SLC15A2: variants seen among roughly 807,000 people sequenced by gnomAD.
The protein encoded by SLC15A2 is kidney H(+)/peptide cotransporter.
Under a neutral mutation model 95.5 loss-of-function variants are expected in SLC15A2, and 77 were observed. The ratio of observed to expected loss-of-function variants is 0.81; its 90% CI spans 0.67 to 0.97. The LOEUF (loss-of-function observed/expected upper bound fraction) is 0.97, where lower values mean the gene tolerates loss of function less well. Among genes scored for constraint, SLC15A2 ranks in the 50% least tolerant of loss-of-function variants. The probability of loss-of-function intolerance (pLI) is 0.00; values close to 1 mark genes in which losing one functional copy is unlikely to be tolerated. For missense variants in SLC15A2, 893 were observed against 874.4 expected, an observed-to-expected ratio of 1.02 and a Z score of -0.27; for synonymous variants, 306 against 306.9, an observed-to-expected ratio of 1.00 and a Z score of 0.03.
intron 19 of SLC15A2, among the ~76,000 whole-genome samples, chr3:121,932,379 A>G (rs571166657): frequency 2.0e-5 from 3 of 152,320 alleles, no homozygotes; most frequent in African/African-American, 7.2e-5. Flanking sequence ...TTATTTATGA[A>G]AAAGTACTAA....
At chr3:121,934,271 G>T (rs1262121948) in intron 19 of SLC15A2, among the ~76,000 whole-genome samples, 9 of 152,150 alleles carry the variant, frequency 5.9e-5, no homozygotes, top group Non-Finnish European at 8.8e-5. Context: ...CATATGAACT[G>T]TAAAGTAGTT....
At chr3:121,916,122 T>A (rs1459688526) in intron 7 of SLC15A2, among the ~76,000 whole-genome samples, 1 of 152,210 alleles carries the variant, frequency 6.6e-6, no homozygotes, top group Admixed American at 6.5e-5. Flanking sequence ...GATTTTAAAT[T>A]CTCCAAGCCT....
intron 19 of SLC15A2, chr3:121,939,122 T>C (rs1454213174): frequency 2.7e-5 from 10 of 365,018 alleles, no homozygotes; most frequent in African/African-American, 6.3e-5. Context: ...TATTCTCTTA[T>C]TTAAAGTCTC....
chr3:121,930,429 CAT>C (rs1162755302), intron 17 of SLC15A2, among the ~76,000 whole-genome samples: 1 of 152,168 alleles, frequency 6.6e-6, no homozygotes, highest in Non-Finnish European at 1.5e-5. Context: ...TAAATACTAT[CAT>C]ATCTTTATAT....
intron 5 of SLC15A2, among the ~76,000 whole-genome samples, chr3:121,913,386 TG>T (rs1486603521): frequency 1.3e-5 from 2 of 152,138 alleles, no homozygotes; most frequent in African/African-American, 4.8e-5. Context: ...GGACAAGAAT[TG>T]AGGAGAATAC....
At chr3:121,905,347 C>T (rs188931128) in intron 3 of SLC15A2, among the ~76,000 whole-genome samples, 19 of 152,238 alleles carry the variant, frequency 1.2e-4, no homozygotes, top group Non-Finnish European at 2.5e-4. Flanking sequence ...TCTCTATCTC[C>T]TTCAGTTCTG....
At chr3:121,915,020 A>C (rs1162542639) in intron 5 of SLC15A2, 1 of 1,345,180 alleles carries the variant, frequency 7.4e-7, no homozygotes, top group Admixed American at 2.6e-5. Context: ...AGAATGCTAA[A>C]GCTGCTCTGG....
intron 13 of SLC15A2, among the ~76,000 whole-genome samples, chr3:121,926,722 C>T (rs1407843720): frequency 6.6e-6 from 1 of 152,226 alleles, no homozygotes; most frequent in Non-Finnish European, 1.5e-5. Context: ...GGGCCACCAT[C>T]CTCCAGACCC....
intron 5 of SLC15A2, among the ~76,000 whole-genome samples, chr3:121,913,791 A>G (rs923270893): frequency 6.6e-6 from 1 of 152,154 alleles, no homozygotes; most frequent in Non-Finnish European, 1.5e-5. Flanking sequence ...GAAATAGTCT[A>G]TTTCTAGATC....
intron 19 of SLC15A2, among the ~76,000 whole-genome samples, chr3:121,932,875 A>G (rs1710259912): frequency 2.0e-5 from 3 of 152,098 alleles, no homozygotes; most frequent in Non-Finnish European, 4.4e-5. Flanking sequence ...CTCGTCATCT[A>G]GCATTAGGTA....
chr3:121,916,971 C>G (rs2332050), intron 7 of SLC15A2, among the ~76,000 whole-genome samples: 67,730 of 151,770 alleles, frequency 0.45, 15,629 homozygotes, highest in East Asian at 0.69. Flanking sequence ...CAGGCGCCCA[C>G]CACCATGCCT....
intron 1 of SLC15A2, 102 bp from the exon 2 acceptor site, chr3:121,896,304 A>G: frequency 1.1e-6 from 1 of 916,076 alleles, no homozygotes; most frequent in Non-Finnish European, 1.8e-6. Flanking sequence ...ATTACCTACC[A>G]AGATGATTTG....
intron 6 of SLC15A2, 135 bp from the exon 7 acceptor site, chr3:121,915,481 A>C: frequency 1.3e-6 from 1 of 786,168 alleles, no homozygotes; most frequent in Non-Finnish European, 2.2e-6. Context: ...ACTATGGATT[A>C]GGTGATGGGA....
At chr3:121,920,611 T>TA (rs1709986967) in intron 7 of SLC15A2, among the ~76,000 whole-genome samples, 2 of 152,206 alleles carry the variant, frequency 1.3e-5, no homozygotes, top group African/African-American at 4.8e-5. Flanking sequence ...GGTACTTTTT[T>TA]ATCTGCCCAC....
At chr3:121,904,522 T>C (rs1709591705) in intron 3 of SLC15A2, among the ~76,000 whole-genome samples, 1 of 152,220 alleles carries the variant, frequency 6.6e-6, no homozygotes, top group African/African-American at 2.4e-5. Context: ...TGAGATACGT[T>C]CCATCAATAC....
intron 14 of SLC15A2, 75 bp downstream of exon 14, chr3:121,927,914 C>A: frequency 1.8e-6 from 2 of 1,082,296 alleles, no homozygotes; most frequent in South Asian, 2.6e-5. Context: ...CTTGTTCAGT[C>A]ATGATTCCCT....
At chr3:121,908,218 G>A (rs867436593) in intron 3 of SLC15A2, among the ~76,000 whole-genome samples, 6 of 152,232 alleles carry the variant, frequency 3.9e-5, no homozygotes, top group East Asian at 1.9e-4. Context: ...CTGGTGTTCC[G>A]TTTGCTAAGA....
In SLC15A2 at chr3:121,911,619, C is replaced by A. The variant is rs1279253485; in HGVS notation, c.381C>A (p.Ile127=). Residue 127 remains isoleucine (I), a synonymous_variant, in exon 4 of 22, where the codon ATC becomes ATA. Coordinates refer to ENST00000489711, the MANE Select transcript of SLC15A2 (RefSeq NM_021082.4). ...LSLVYVLGHV[I]KSLGALPILG... is the part of the protein sequence containing the mutation. ...TGGTGTATGTGCTTGGCCATGTGAT[C>A]AAGTCCTTGGGTGCCTTACCAATAC... The A allele has an allele frequency of 6.2e-7, 1 of 1,613,906 alleles. No individual in the cohort carries two copies. Among genetic ancestry groups the A allele is most frequent in the African/African-American group, 1.3e-5 (1 of 74,918 alleles).
At chr3:121,929,599 T>G (rs187405648) in intron 17 of SLC15A2, among the ~76,000 whole-genome samples, 3 of 152,310 alleles carry the variant, frequency 2.0e-5, no homozygotes, top group Admixed American at 1.3e-4. Context: ...CTGCTGAATT[T>G]TATCTATTTA....
Sources: gnomAD v4.1 joint callset for allele counts (sites outside exome capture counted in the v4.1 genomes callset) on GRCh38, gnomAD v4.1.1 for gene constraint, MANE v1.5 for transcripts, NCBI Gene and HGNC (gene_info 2026-07-23, HGNC 2026-07-21) for gene names.